The following CBLB variants were observed in gnomAD, a reference collection of about 807,000 sequenced individuals.
CBLB encodes the protein Cbl proto-oncogene B.
A neutral mutation model predicts 104.9 loss-of-function variants in CBLB; 31 were observed. That is an observed-to-expected ratio of 0.30 (90% CI 0.22 to 0.40). CBLB has a LOEUF of 0.40. Among genes scored for constraint, CBLB ranks in the 10% least tolerant of loss-of-function variants. The pLI is 1.00. For synonymous variants in CBLB, 440 were observed against 422.6 expected (o/e 1.04, Z -0.51); for missense variants, 1,062 against 1,214.6 (o/e 0.87, Z 1.87).
intron 3 of CBLB, among the ~76,000 whole-genome samples, chr3:105,780,648 G>C (rs1169692548): frequency 1.9e-5 from 2 of 105,060 alleles, no homozygotes; most frequent in African/African-American, 7.1e-5. Context: ...TACAATAAAA[G>C]TTTTGTTTTT....
chr3:105,662,184 C>G (rs1239745133), intron 18 of CBLB, among the ~76,000 whole-genome samples: 1 of 152,156 alleles, frequency 6.6e-6, no homozygotes, highest in African/African-American at 2.4e-5. Context: ...CTTCCCAAAG[C>G]CCAGACGCAG....
intron 2 of CBLB, among the ~76,000 whole-genome samples, chr3:105,861,418 C>A (rs887645049): frequency 6.6e-6 from 1 of 151,966 alleles, no homozygotes; most frequent in African/African-American, 2.4e-5. Flanking sequence ...TCCTGACAAC[C>A]CAATATAAAA....
Position 105,774,974 on chromosome 3 carries a change from C to T in CBLB, c.566+1422G>A, listed in dbSNP as rs536556872. Among the ~76,000 whole-genome samples, 5 of 152,152 alleles carry T rather than the reference C, an allele frequency of 3.3e-5. No homozygotes were observed. In the East Asian group the frequency reaches 9.6e-4, roughly 29 times the overall value. On this transcript the variant is annotated intron_variant, in intron 4 of 18. Transcript: ENST00000394030. ...ATGAACTGCAACTACAGGAAACAAA[C>T]CCTCTCAGTTCCTACACCCTGAACC...
intron 12 of CBLB, among the ~76,000 whole-genome samples, chr3:105,694,451 G>T (rs2068087143): frequency 6.6e-6 from 1 of 151,824 alleles, no homozygotes; most frequent in African/African-American, 2.4e-5. Flanking sequence ...GAGTTATTTT[G>T]CAAACTCTTA....
intron 2 of CBLB, among the ~76,000 whole-genome samples, chr3:105,866,775 T>C (rs2153160820): frequency 6.6e-6 from 1 of 152,330 alleles, no homozygotes; most frequent in Middle Eastern, 3.4e-3. Flanking sequence ...TCTGATACTC[T>C]CAGCCTCACC....
chr3:105,728,889 AC>A (rs2073993988), intron 9 of CBLB, among the ~76,000 whole-genome samples: 1 of 152,160 alleles, frequency 6.6e-6, no homozygotes, highest in African/African-American at 2.4e-5. Flanking sequence ...ATAACTACTG[AC>A]ACAGCTACTG....
chr3:105,830,630 T>G (rs1395639780), intron 3 of CBLB, among the ~76,000 whole-genome samples: 1 of 152,214 alleles, frequency 6.6e-6, no homozygotes, highest in Non-Finnish European at 1.5e-5. Flanking sequence ...AATATTAAGT[T>G]GTAAAGTTTA....
At chr3:105,850,203 A>T (rs2090773430) in intron 3 of CBLB, among the ~76,000 whole-genome samples, 1 of 152,084 alleles carries the variant, frequency 6.6e-6, no homozygotes, top group African/African-American at 2.4e-5. Context: ...TGAGAGAGAA[A>T]ATTATAAATT....
At chr3:105,868,195 G>A (rs1055431374) in intron 1 of CBLB, 2 of 1,231,692 alleles carry the variant, frequency 1.6e-6, no homozygotes, top group Non-Finnish European at 2.0e-6. Context: ...GCGGTGAGTC[G>A]TTATTCCCAA....
intron 3 of CBLB, among the ~76,000 whole-genome samples, chr3:105,839,838 T>G (rs2089264321): frequency 6.6e-6 from 1 of 152,238 alleles, no homozygotes; most frequent in Admixed American, 6.5e-5. Flanking sequence ...TTCAGTTGCT[T>G]TATCAAAAAG....
intron 10 of CBLB, among the ~76,000 whole-genome samples, chr3:105,708,190 C>G (rs965731413): frequency 6.6e-6 from 1 of 152,062 alleles, no homozygotes; most frequent in African/African-American, 2.4e-5. Flanking sequence ...GGCCATTTAT[C>G]TTTTTCTACA....
chr3:105,792,388 T>C (rs1468117761), intron 3 of CBLB, among the ~76,000 whole-genome samples: 7 of 152,188 alleles, frequency 4.6e-5, no homozygotes, highest in African/African-American at 9.7e-5. Flanking sequence ...GACTGGAGCA[T>C]CATTGTTTTA....
intron 10 of CBLB, among the ~76,000 whole-genome samples, chr3:105,713,184 T>A (rs967834275): frequency 3.3e-5 from 5 of 152,128 alleles, no homozygotes; most frequent in Non-Finnish European, 5.9e-5. Flanking sequence ...TAATGGCTTT[T>A]TATATATATG....
chr3:105,837,969 C>A (rs1328619353), intron 3 of CBLB, among the ~76,000 whole-genome samples: 1 of 151,962 alleles, frequency 6.6e-6, no homozygotes, highest in East Asian at 1.9e-4. Flanking sequence ...TATAGTAATT[C>A]TAAAGAAATA....
intron 4 of CBLB, among the ~76,000 whole-genome samples, chr3:105,769,208 C>T (rs906257025): frequency 6.6e-6 from 1 of 151,930 alleles, no homozygotes; most frequent in Non-Finnish European, 1.5e-5. Flanking sequence ...ATCCCAGCTA[C>T]TTGGGAGGCT....
chr3:105,767,761 G>A lies in CBLB; in HGVS notation c.566+8635C>T, dbSNP rs577532475. Among the ~76,000 whole-genome samples, 9 of 152,100 alleles carry A rather than the reference G, an allele frequency of 5.9e-5. No individual in the cohort carries two copies. In the South Asian group the frequency reaches 6.2e-4, roughly 11 times the overall value. On this transcript the variant is annotated intron_variant, in intron 4 of 18. Coordinates refer to ENST00000394030, the MANE Select transcript of CBLB (RefSeq NM_170662.5). ...AGGTAAGGTTTAGCTATTTTAAGCC[G>A]TCATAACAACCATTGATGGTAGGTA...
chr3:105,833,298 A>G (rs563075416), intron 3 of CBLB, among the ~76,000 whole-genome samples: 1 of 152,336 alleles, frequency 6.6e-6, no homozygotes, highest in Admixed American at 6.5e-5. Flanking sequence ...TCTGTAGCAA[A>G]TAATTACAAC....
chr3:105,698,103 T>C (rs17202264), intron 12 of CBLB, among the ~76,000 whole-genome samples: 2,580 of 152,082 alleles, frequency 0.017, 48 homozygotes, highest in Admixed American at 0.026. Flanking sequence ...AAACAATAAC[T>C]CTTAGCTTGT....
intron 7 of CBLB, among the ~76,000 whole-genome samples, 190 bp downstream of exon 7, chr3:105,740,304 A>G (rs1442262603): frequency 6.6e-6 from 1 of 152,238 alleles, no homozygotes; most frequent in Non-Finnish European, 1.5e-5. Flanking sequence ...TTGCTATAAC[A>G]TAGTTTCAAA....
Sources: allele counts gnomAD v4.1 joint callset (sites outside exome capture counted in the v4.1 genomes callset), GRCh38; gene constraint gnomAD v4.1.1; transcripts MANE v1.5; gene names NCBI Gene and HGNC (gene_info 2026-07-23, HGNC 2026-07-21).